The following MSRA variants were observed in gnomAD, a reference collection of about 807,000 sequenced individuals.
MSRA encodes the protein methionine sulfoxide reductase A.
MSRA carries 54 observed loss-of-function variants against 31.3 expected under a neutral mutation model. The observed-to-expected ratio is 1.73, with a 90% confidence interval of 1.39 to 2.17. The LOEUF (loss-of-function observed/expected upper bound fraction) is 2.17. MSRA is among the 30% of genes most tolerant of loss of function. The pLI is 0.00. For missense variants in MSRA, 507 were observed against 300.9 expected, an observed-to-expected ratio of 1.69 and a Z score of -5.07; for synonymous variants, 169 against 116.5, an observed-to-expected ratio of 1.45 and a Z score of -2.90.
Position 10,054,502 on chromosome 8 carries a change from G to C in MSRA, c.-15G>C. 4 of 1,566,044 alleles carry C rather than the reference G, an allele frequency of 2.6e-6. No individual in the cohort carries two copies. The highest frequency in any genetic ancestry group is 3.5e-6 in the Non-Finnish European group (4 of 1,157,120). ...GCGCCGTCCCCCGGGACCACCCTTC[G>C]GCTGGCGCCCTCCCATGCTCTCGGC... is the stretch of plus-strand genomic sequence containing the variant. On this transcript the variant is annotated 5_prime_UTR_variant, in exon 1 of 6. Coordinates refer to ENST00000317173, the MANE Select transcript of MSRA (RefSeq NM_012331.5).
At chr8:10,102,346 C>T (rs1365030097) in intron 1 of MSRA, among the ~76,000 whole-genome samples, 1 of 152,138 alleles carries the variant, frequency 6.6e-6, no homozygotes, top group African/African-American at 2.4e-5. Flanking sequence ...CTTTACTATT[C>T]AGATTGCATA....
intron 1 of MSRA, among the ~76,000 whole-genome samples, chr8:10,170,468 C>A (rs923239958): frequency 1.3e-5 from 2 of 152,128 alleles, no homozygotes; most frequent in Non-Finnish European, 2.9e-5. Flanking sequence ...TTTTGGACTT[C>A]CCAGCCTCCA....
intron 5 of MSRA, among the ~76,000 whole-genome samples, chr8:10,412,861 T>C (rs1048532975): frequency 6.6e-6 from 1 of 152,194 alleles, no homozygotes; most frequent in East Asian, 1.9e-4. Flanking sequence ...CTCTCATGCA[T>C]TGCAGGGGAC....
At chr8:10,417,419 G>GACACAC (rs1184991397) in intron 5 of MSRA, among the ~76,000 whole-genome samples, 10,639 of 145,086 alleles carry the variant, frequency 0.073, 832 homozygotes, top group African/African-American at 0.19. Context: ...TTCGTCAGAA[G>GACACAC]ACACACACAC....
chr8:10,383,074 C>T (rs970969493), intron 5 of MSRA, among the ~76,000 whole-genome samples: 1 of 152,218 alleles, frequency 6.6e-6, no homozygotes, highest in Non-Finnish European at 1.5e-5. Flanking sequence ...TGTGTTCACC[C>T]ACCTGACCCT....
At chr8:10,316,699 A>C (rs1036408144) in intron 4 of MSRA, among the ~76,000 whole-genome samples, 2 of 152,078 alleles carry the variant, frequency 1.3e-5, no homozygotes, top group Non-Finnish European at 2.9e-5. Context: ...GACAGGATTA[A>C]GTTCTCAGAT....
intron 1 of MSRA, among the ~76,000 whole-genome samples, chr8:10,112,412 C>CG (rs1333999687): frequency 4.6e-5 from 7 of 152,332 alleles, no homozygotes; most frequent in African/African-American, 1.7e-4. Flanking sequence ...CTAGGAAAAG[C>CG]TGTTAACATT....
At chr8:10,350,603 T>G (rs530658369) in intron 5 of MSRA, among the ~76,000 whole-genome samples, 3 of 152,342 alleles carry the variant, frequency 2.0e-5, no homozygotes, top group South Asian at 2.1e-4. Context: ...ATGTTTGAAT[T>G]GGAACCAGAA....
At chr8:10,168,494 A>G (rs1805333282) in intron 1 of MSRA, among the ~76,000 whole-genome samples, 1 of 152,204 alleles carries the variant, frequency 6.6e-6, no homozygotes, top group African/African-American at 2.4e-5. Context: ...TTAGTGTATA[A>G]ATGTGGTTTT....
chr8:10,099,287 C>T (rs1799381894), intron 1 of MSRA, among the ~76,000 whole-genome samples: 1 of 152,126 alleles, frequency 6.6e-6, no homozygotes, highest in African/African-American at 2.4e-5. Context: ...GCTGGTGGCC[C>T]ATGGAATGGA....
chr8:10,079,200 CCAGGCTGGAGTG>C (rs1798154933), intron 1 of MSRA, among the ~76,000 whole-genome samples: 1 of 152,008 alleles, frequency 6.6e-6, no homozygotes, highest in African/African-American at 2.4e-5. Flanking sequence ...ACTTTGTGGG[CCAGGCTGGAGTG>C]CAGTGGCAGG....
intron 5 of MSRA, among the ~76,000 whole-genome samples, chr8:10,420,951 C>G (rs1425753497): frequency 6.6e-6 from 1 of 151,442 alleles, no homozygotes; most frequent in African/African-American, 2.4e-5. Context: ...GAGCCCTGAT[C>G]ACGCCACTGC....
intron 1 of MSRA, among the ~76,000 whole-genome samples, chr8:10,186,450 T>A (rs1210467901): frequency 1.3e-5 from 2 of 152,202 alleles, no homozygotes; most frequent in Admixed American, 1.3e-4. Context: ...AATTTGCATG[T>A]GTCATGAAGT....
intron 1 of MSRA, among the ~76,000 whole-genome samples, chr8:10,100,946 T>C (rs986124946): frequency 6.6e-6 from 1 of 152,176 alleles, no homozygotes; most frequent in Non-Finnish European, 1.5e-5. Context: ...TTTATCCTTG[T>C]CTATCAATGT....
chr8:10,387,820 G>A (rs534984787), intron 5 of MSRA, among the ~76,000 whole-genome samples: 24 of 152,024 alleles, frequency 1.6e-4, no homozygotes, highest in Non-Finnish European at 2.9e-4. Context: ...TGCTTTTTTC[G>A]GGGGAAGAAG....
chr8:10,213,503 C>G (rs539308435), intron 2 of MSRA, among the ~76,000 whole-genome samples: 10 of 148,616 alleles, frequency 6.7e-5, no homozygotes, highest in East Asian at 6.0e-4. Context: ...GTGACGCGAC[C>G]TCGGCTCACT....
At chr8:10,165,972 C>A (rs116476864) in intron 1 of MSRA, among the ~76,000 whole-genome samples, 165 of 152,302 alleles carry the variant, frequency 1.1e-3, no homozygotes, top group African/African-American at 3.8e-3. Flanking sequence ...GGGATTTGAA[C>A]TTGGCAGTGA....
At chr8:10,184,609 T>G (rs1806857445) in intron 1 of MSRA, among the ~76,000 whole-genome samples, 1 of 152,176 alleles carries the variant, frequency 6.6e-6, no homozygotes, top group Non-Finnish European at 1.5e-5. Flanking sequence ...GAAGGCATAT[T>G]AAAAACAACT....
intron 5 of MSRA, among the ~76,000 whole-genome samples, chr8:10,334,357 A>C (rs1223529038): frequency 6.6e-6 from 1 of 151,916 alleles, no homozygotes; most frequent in African/African-American, 2.4e-5. Flanking sequence ...TTGTTCTGGC[A>C]GGTAGATGGA....
Sources: gnomAD v4.1 joint callset for allele counts (sites outside exome capture counted in the v4.1 genomes callset) on GRCh38, gnomAD v4.1.1 for gene constraint, MANE v1.5 for transcripts, NCBI Gene and HGNC (gene_info 2026-07-23, HGNC 2026-07-21) for gene names.